SLC35F1: variants seen among roughly 807,000 people sequenced by gnomAD.
SLC35F1 encodes the protein chromosome 6 open reading frame 169.
A neutral mutation model predicts 48.7 loss-of-function variants in SLC35F1; 14 were observed. The ratio of observed to expected loss-of-function variants is 0.29; its 90% CI spans 0.19 to 0.45. The LOEUF (loss-of-function observed/expected upper bound fraction) is 0.45. SLC35F1 is among the 20% of genes least tolerant of loss of function. SLC35F1 has a pLI of 1.00. For synonymous variants in SLC35F1, 190 were observed against 202.2 expected, an observed-to-expected ratio of 0.94 and a Z score of 0.51; for missense variants, 404 against 500.0, an observed-to-expected ratio of 0.81 and a Z score of 1.83.
At chr6:117,968,704 TC>T (rs2114841324) in intron 1 of SLC35F1, among the ~76,000 whole-genome samples, 1 of 152,296 alleles carries the variant, frequency 6.6e-6, no homozygotes, top group Non-Finnish European at 1.5e-5. Flanking sequence ...TGGCCCCTAG[TC>T]TACCTGCATC....
chr6:117,908,795 T>A (rs1775728449), intron 1 of SLC35F1, among the ~76,000 whole-genome samples: 1 of 152,054 alleles, frequency 6.6e-6, no homozygotes, highest in Non-Finnish European at 1.5e-5. Flanking sequence ...AGGGAATGGG[T>A]TTTGTGTTCT....
At chr6:118,278,024 A>G (rs943769254) in intron 6 of SLC35F1, among the ~76,000 whole-genome samples, 3 of 152,248 alleles carry the variant, frequency 2.0e-5, no homozygotes, top group African/African-American at 7.2e-5. Flanking sequence ...AGCAGTTTGC[A>G]CGAAAGAAAT....
intron 7 of SLC35F1, among the ~76,000 whole-genome samples, chr6:118,290,925 G>C (rs1477916906): frequency 6.6e-6 from 1 of 151,844 alleles, no homozygotes; most frequent in African/African-American, 2.4e-5. Flanking sequence ...CTCCTAAGTA[G>C]CTGGGACTAC....
intron 7 of SLC35F1, among the ~76,000 whole-genome samples, chr6:118,285,974 G>C (rs1396124528): frequency 6.6e-6 from 1 of 152,122 alleles, no homozygotes; most frequent in Admixed American, 6.5e-5. Context: ...CTTTGCCCTA[G>C]GGAGGCATGA....
chr6:118,084,547 G>A (rs1004331444), intron 1 of SLC35F1, among the ~76,000 whole-genome samples: 3 of 152,112 alleles, frequency 2.0e-5, no homozygotes, highest in African/African-American at 4.8e-5. Flanking sequence ...ACCTTCTAGT[G>A]GGGGAGATGA....
chr6:117,956,986 A>C (rs192979573), intron 1 of SLC35F1, among the ~76,000 whole-genome samples: 10 of 152,330 alleles, frequency 6.6e-5, no homozygotes, highest in African/African-American at 2.4e-4. Flanking sequence ...TCCATGGAGC[A>C]ATATTCTAAG....
intron 1 of SLC35F1, among the ~76,000 whole-genome samples, chr6:118,124,014 A>G (rs927042278): frequency 1.3e-5 from 2 of 152,108 alleles, no homozygotes; most frequent in African/African-American, 4.8e-5. Context: ...CCCAAATCAC[A>G]GACCTGAAGA....
At chr6:118,192,061 G>A (rs1239058744) in intron 2 of SLC35F1, among the ~76,000 whole-genome samples, 1 of 152,140 alleles carries the variant, frequency 6.6e-6, no homozygotes, top group Non-Finnish European at 1.5e-5. Flanking sequence ...GGTGGCATGA[G>A]TCCTTGTTTA....
At chr6:118,249,198 C>CTATAAGATAAGA (rs1775543064) in intron 3 of SLC35F1, among the ~76,000 whole-genome samples, 1 of 152,208 alleles carries the variant, frequency 6.6e-6, no homozygotes, top group African/African-American at 2.4e-5. Context: ...CAGGCAGGTT[C>CTATAAGATAAGA]GAAGGCACTT....
At chr6:118,194,492 G>A (rs1329099400) in intron 2 of SLC35F1, among the ~76,000 whole-genome samples, 1 of 151,884 alleles carries the variant, frequency 6.6e-6, no homozygotes, top group Non-Finnish European at 1.5e-5. Flanking sequence ...TCAGAGATCT[G>A]CAGCAAAATT....
At chr6:118,151,852 T>C (rs1774063413) in intron 1 of SLC35F1, among the ~76,000 whole-genome samples, 1 of 152,160 alleles carries the variant, frequency 6.6e-6, no homozygotes, top group Admixed American at 6.5e-5. Flanking sequence ...GTACTCCTTT[T>C]TACCTCTACC....
At chr6:117,995,108 A>G (rs932216516) in intron 1 of SLC35F1, among the ~76,000 whole-genome samples, 5 of 152,172 alleles carry the variant, frequency 3.3e-5, no homozygotes, top group Non-Finnish European at 7.3e-5. Flanking sequence ...TTCTCTTACT[A>G]CTAGAATAAT....
At chr6:118,210,212 A>G (rs985264966) in intron 2 of SLC35F1, among the ~76,000 whole-genome samples, 1 of 152,226 alleles carries the variant, frequency 6.6e-6, no homozygotes, top group African/African-American at 2.4e-5. Context: ...AACCCTCCTC[A>G]TAATTAAAAT....
chr6:118,245,560 G>T (rs1775496593), intron 3 of SLC35F1, among the ~76,000 whole-genome samples: 1 of 152,158 alleles, frequency 6.6e-6, no homozygotes, highest in South Asian at 2.1e-4. Context: ...CTTGTGGACT[G>T]CTCCCACCTG....
chr6:117,947,772 A>G (rs1582579533), intron 1 of SLC35F1, among the ~76,000 whole-genome samples: 1 of 152,132 alleles, frequency 6.6e-6, no homozygotes, highest in African/African-American at 2.4e-5. Context: ...TATAGTATGT[A>G]TTCATGTCAA....
intron 4 of SLC35F1, among the ~76,000 whole-genome samples, chr6:118,268,127 A>T (rs760261251): frequency 6.6e-6 from 1 of 152,186 alleles, no homozygotes; most frequent in Non-Finnish European, 1.5e-5. Flanking sequence ...TTTATAACTG[A>T]AAAGGACCTT....
At chr6:118,007,687 G>A (rs9387534) in intron 1 of SLC35F1, among the ~76,000 whole-genome samples, 151,432 of 152,308 alleles carry the variant, frequency 0.99, 75,286 homozygotes, top group Middle Eastern at 1. Context: ...CCACAAATTT[G>A]AAACAAACAC....
chr6:118,046,286 T>C (rs36114701), intron 1 of SLC35F1, among the ~76,000 whole-genome samples: 13 of 152,202 alleles, frequency 8.5e-5, no homozygotes, highest in Non-Finnish European at 1.8e-4. Flanking sequence ...ATAACACCAG[T>C]GAAGCTGTGA....
intron 1 of SLC35F1, among the ~76,000 whole-genome samples, chr6:118,151,334 T>C (rs1300415378): frequency 6.6e-6 from 1 of 152,160 alleles, no homozygotes; most frequent in Non-Finnish European, 1.5e-5. Context: ...CATATTTATC[T>C]CCTGGTTGAC....
Sources: allele counts gnomAD v4.1 joint callset (sites outside exome capture counted in the v4.1 genomes callset), GRCh38; gene constraint gnomAD v4.1.1; transcripts MANE v1.5; gene names NCBI Gene and HGNC (gene_info 2026-07-23, HGNC 2026-07-21).